The following TGM3 variants were observed in gnomAD, a reference collection of about 807,000 sequenced individuals.
The protein encoded by TGM3 is transglutaminase 3.
A neutral mutation model predicts 73.8 loss-of-function variants in TGM3; 52 were observed. That is an observed-to-expected ratio of 0.70 (90% CI 0.56 to 0.89). The LOEUF (loss-of-function observed/expected upper bound fraction) is 0.89, where lower values mean the gene tolerates loss of function less well. Ranked by LOEUF, TGM3 falls within the 40% of genes least tolerant of loss-of-function variation. TGM3 has a pLI of 0.00. For synonymous variants in TGM3, 372 were observed against 354.9 expected, an observed-to-expected ratio of 1.05 and a Z score of -0.54; for missense variants, 928 against 909.9, an observed-to-expected ratio of 1.02 and a Z score of -0.26.
intron 12 of TGM3, 121 bp downstream of exon 12, chr20:2,340,108 G>A: frequency 1.6e-6 from 2 of 1,254,938 alleles, no homozygotes; most frequent in Non-Finnish European, 2.2e-6. Context: ...TCTTTTGGGG[G>A]TCTTGGAACT....
chr20:2,317,044 TTTGGGGGGG>T lies in TGM3; in HGVS notation c.670-22_670-14del. The T allele has an allele frequency of 6.2e-7, 1 of 1,611,248 alleles. No individual in the cohort carries two copies. Among genetic ancestry groups the T allele is most frequent in the Non-Finnish European group, 8.5e-7 (1 of 1,178,312 alleles). The stretch of plus-strand genomic sequence containing the variant: ...AGGAAAGGCATTAGTGCTGACTCAT[TTTGGGGGGG>T]TGGTTTCTGCCCAGATCAATAGCAA... On this transcript the variant is annotated splice_polypyrimidine_tract_variant and intron_variant, in intron 5 of 12. Transcript: ENST00000381458.
At chr20:2,309,898 T>C in intron 2 of TGM3, 68 bp downstream of exon 2, 1 of 1,592,916 alleles carries the variant, frequency 6.3e-7, no homozygotes, top group African/African-American at 1.3e-5. Flanking sequence ...ATTCAAGGAC[T>C]GACGGGGACC....
intron 10 of TGM3, 63 bp from the exon 11 acceptor site, chr20:2,335,053 T>G: frequency 6.3e-7 from 1 of 1,594,050 alleles, no homozygotes; most frequent in East Asian, 2.2e-5. Flanking sequence ...GCATCTGTTC[T>G]GAGGAAGGTT....
chr20:2,296,696 C>A (rs1256428806), intron 1 of TGM3, among the ~76,000 whole-genome samples: 1 of 152,134 alleles, frequency 6.6e-6, no homozygotes, highest in Non-Finnish European at 1.5e-5. Flanking sequence ...TCCTGGTCCA[C>A]AGGAGAGCAC....
chr20:2,333,006 G>T (rs1356029351), intron 10 of TGM3, among the ~76,000 whole-genome samples: 1 of 152,202 alleles, frequency 6.6e-6, no homozygotes, highest in Non-Finnish European at 1.5e-5. Flanking sequence ...CCTTGCCCTT[G>T]GGTAGCAGGG....
Position 2,340,786 on chromosome 20 carries a change from C to A in TGM3, c.*205C>A. ...GGTCCACCCTGTCCTATGACTTGAT[C>A]ACTTTTGCACATTCCCTGGCCGCTT... On this transcript the variant is annotated 3_prime_UTR_variant, in exon 13 of 13. Coordinates refer to ENST00000381458, the MANE Select transcript of TGM3 (RefSeq NM_003245.4). 1 of 714,364 alleles carries A rather than the reference C, an allele frequency of 1.4e-6. No homozygotes were observed. The highest frequency in any genetic ancestry group is 2.5e-6 in the Non-Finnish European group (1 of 400,986). The allele number at this position is 714,364 out of a possible 1,614,324, so 44.3% of individuals were successfully genotyped here.
At chr20:2,310,461 G>A (rs1373557909) in intron 3 of TGM3, 44 bp downstream of exon 3, 19 of 1,592,682 alleles carry the variant, frequency 1.2e-5, no homozygotes, top group Admixed American at 1.1e-4. Flanking sequence ...GCCTAAGCTA[G>A]AAAAGAAAAA....
rs988309930 is a variant in TGM3 at position 2,334,176 on chromosome 20, G to A, written c.1643-940G>A. Reference sequence around the variant, plus strand: ...GCCGGATGCATGGAGAGAAGCCAGGGGAGGCATTTCCATCTGGGGGAACCA... The same window carrying A: ...GCCGGATGCATGGAGAGAAGCCAGGAGAGGCATTTCCATCTGGGGGAACCA... On this transcript the variant is annotated intron_variant, in intron 10 of 12. Transcript: ENST00000381458. This position sits in a 1 kb window ranked among gnomAD's most constrained non-coding sequence, Gnocchi z 4.0. 2.0e-5 allele frequency among the ~76,000 whole-genome samples: 3 copies of A among 152,166 alleles called. No individual in the cohort carries two copies. Among genetic ancestry groups the A allele is most frequent in the African/African-American group, 7.2e-5 (3 of 41,442 alleles).
intron 12 of TGM3, 146 bp downstream of exon 12, chr20:2,340,133 T>G: frequency 1.8e-6 from 2 of 1,107,918 alleles, no homozygotes; most frequent in South Asian, 1.6e-5. Context: ...AATCTGCTTT[T>G]GCATTTGGTT....
chr20:2,315,190 C>T (rs552152529), intron 5 of TGM3, among the ~76,000 whole-genome samples: 196 of 152,308 alleles, frequency 1.3e-3, no homozygotes, highest in African/African-American at 4.0e-3. Context: ...GACTCACTCG[C>T]ACCCCAGGGC....
At chr20:2,337,307 T>C (rs574340393) in intron 11 of TGM3, among the ~76,000 whole-genome samples, 1 of 152,282 alleles carries the variant, frequency 6.6e-6, no homozygotes, top group African/African-American at 2.4e-5. Context: ...TCCCCATCTC[T>C]CTAGACATGG....
chr20:2,329,954 G>C (rs987249036), intron 9 of TGM3, among the ~76,000 whole-genome samples: 2 of 151,990 alleles, frequency 1.3e-5, no homozygotes, highest in African/African-American at 2.4e-5. Context: ...ATGACTGTAC[G>C]ATCCTGTGGG....
In TGM3 at chr20:2,335,194, C is replaced by G. The variant is rs549533086; in HGVS notation, c.1721C>G (p.Ala574Gly). Residue 574 changes from alanine to glycine, a missense_variant, in exon 11 of 13, where the codon GCG becomes GGG. Transcript: ENST00000381458. ...TCAGACAACATGATCCGGATCACAG[C>G]GGTGTGCAAGGTCCCAGATGAGTCT... ...LKSDNMIRITAVCKVPDESEV... is the reference protein window; with the variant it reads ...LKSDNMIRITGVCKVPDESEV... 3 of 1,614,108 alleles carry G rather than the reference C, an allele frequency of 1.9e-6. No homozygotes were observed. The highest frequency in any genetic ancestry group is 1.6e-4 in the Middle Eastern group (1 of 6,084).
rs894072911 is a variant in TGM3, at chr20:2,332,912, C to T, written c.1642+602C>T. 3.3e-5 allele frequency among the ~76,000 whole-genome samples: 5 copies of T among 152,212 alleles called. No homozygotes were observed. Among genetic ancestry groups the T allele is most frequent in the African/African-American group, 1.2e-4 (5 of 41,458 alleles). On this transcript the variant is annotated intron_variant, in intron 10 of 12. Coordinates refer to ENST00000381458, the MANE Select transcript of TGM3 (RefSeq NM_003245.4). This position sits in a 1 kb window ranked among gnomAD's most constrained non-coding sequence, Gnocchi z 4.4. ...TTGGCCCATGGCCCTCCCACAGCTG[C>T]CACGGGGTGGGTGGACCTTCTGGAA...
At chr20:2,337,445 G>A (rs935299120) in intron 11 of TGM3, among the ~76,000 whole-genome samples, 6 of 152,104 alleles carry the variant, frequency 3.9e-5, no homozygotes, top group African/African-American at 9.7e-5. Context: ...TTGGCCAGGC[G>A]CGGTGGCTCA....
Position 2,309,697 on chromosome 20 carries a change from C to T in TGM3, c.48C>T (p.Asn16=), listed in dbSNP as rs774372809. 2.5e-6 allele frequency: 4 copies of T among 1,614,034 alleles called. No homozygotes were observed. Among genetic ancestry groups the T allele is most frequent in the African/African-American group, 1.3e-5 (1 of 74,912 alleles). ...VQSINWQTAF[N]RQAHHTDKFS... Reference sequence around the variant, plus strand: ...GTATCAACTGGCAGACGGCCTTCAACCGACAAGCGCATCACACAGACAAGT... The same window carrying T: ...GTATCAACTGGCAGACGGCCTTCAATCGACAAGCGCATCACACAGACAAGT... Residue 16 remains asparagine (N), a synonymous_variant, in exon 2 of 13, where the codon AAC becomes AAT. Coordinates refer to ENST00000381458, the MANE Select transcript of TGM3 (RefSeq NM_003245.4).
intron 4 of TGM3, 71 bp downstream of exon 4, chr20:2,311,200 AT>A (rs1167233597): frequency 3.2e-6 from 4 of 1,258,204 alleles, no homozygotes; most frequent in Non-Finnish European, 4.7e-6. Context: ...TGCCCCACAG[AT>A]CAATGGGAAG....
Position 2,309,850 on chromosome 20 carries a change from C to T in TGM3, c.181+20C>T, listed in dbSNP as rs139800039. 2.5e-3 allele frequency: 4,011 copies of T among 1,613,688 alleles called. 7 individuals carry two copies. The highest frequency in any genetic ancestry group is 3.2e-3 in the Non-Finnish European group (3,761 of 1,179,650). ...CCACAGGTACCTGCTCATTCCCCTCCTTGCCCAAACACACACATACTTGAG... is the reference window on the plus strand; with the variant it reads ...CCACAGGTACCTGCTCATTCCCCTCTTTGCCCAAACACACACATACTTGAG... On this transcript the variant is annotated intron_variant, in intron 2 of 12. Transcript: ENST00000381458.
intron 7 of TGM3, among the ~76,000 whole-genome samples, 178 bp downstream of exon 7, chr20:2,317,663 C>T (rs555420112): frequency 6.6e-6 from 1 of 151,966 alleles, no homozygotes; most frequent in East Asian, 1.9e-4. Flanking sequence ...ACCCAAGACA[C>T]CTCTTCTCGG....
Sources: gnomAD v4.1 joint callset for allele counts (sites outside exome capture counted in the v4.1 genomes callset) on GRCh38, gnomAD v4.1.1 for gene constraint, Gnocchi (gnomAD v3.1) non-coding constraint, MANE v1.5 for transcripts, NCBI Gene and HGNC (gene_info 2026-07-23, HGNC 2026-07-21) for gene names.